The following ATP5F1A variants were observed in gnomAD, a reference collection of about 807,000 sequenced individuals.
ATP5F1A encodes the protein ATP synthase F1 subunit alpha.
Under a neutral mutation model 57.4 loss-of-function variants are expected in ATP5F1A, and 24 were observed. The ratio of observed to expected loss-of-function variants is 0.42; its 90% CI spans 0.30 to 0.59. ATP5F1A has a LOEUF of 0.59. ATP5F1A is among the 20% of genes least tolerant of loss of function. The pLI, the probability that ATP5F1A is intolerant of heterozygous loss-of-function variation, is 0.19. For missense variants in ATP5F1A, 494 were observed against 707.9 expected (o/e 0.70, Z 3.43); for synonymous variants, 251 against 255.5 (o/e 0.98, Z 0.17).
chr18:46,098,492 G>T, upstream of ATP5F1A: 2 of 1,152,434 alleles, frequency 1.7e-6, no homozygotes, highest in Non-Finnish European at 2.3e-6. Flanking sequence ...CCTGGCATTC[G>T]TTATACATTT....
At chr18:46,090,066 T>C (rs1910443698) in intron 3 of ATP5F1A, 70 bp from the exon 4 acceptor site, 2 of 430,544 alleles carry the variant, frequency 4.6e-6, no homozygotes, top group Non-Finnish European at 3.2e-6. Context: ...CAATACTACA[T>C]AAGAAAATAG....
upstream of ATP5F1A, among the ~76,000 whole-genome samples, chr18:46,100,842 G>A (rs974867375): frequency 2.6e-5 from 4 of 152,284 alleles, no homozygotes; most frequent in African/African-American, 9.6e-5. Flanking sequence ...GGAGGCCGAG[G>A]CGGGTGGATC....
upstream of ATP5F1A, among the ~76,000 whole-genome samples, chr18:46,101,574 G>A (rs1418622989): frequency 6.6e-6 from 1 of 150,522 alleles, no homozygotes; most frequent in Non-Finnish European, 1.5e-5. Flanking sequence ...CGACAGGAGT[G>A]AGACTATCTC....
At chr18:46,097,932 G>A in intron 1 of ATP5F1A, 1 of 1,257,282 alleles carries the variant, frequency 8.0e-7, no homozygotes, top group Non-Finnish European at 1.0e-6. Flanking sequence ...CAGGAATCTT[G>A]AGGCCCTGTC....
At chr18:46,098,367 C>G (rs1267923726), upstream of ATP5F1A, 10 of 1,224,510 alleles carry the variant, frequency 8.2e-6, no homozygotes, top group Non-Finnish European at 1.0e-5. Context: ...CGTTCACCAC[C>G]TCTCCCCCCG....
chr18:46,089,726 T>C lies in ATP5F1A; in HGVS notation c.490A>G (p.Ile164Val), dbSNP rs746703083. The change falls in exon 5 of 12, where the codon ATT becomes GTT. Residue 164 changes from isoleucine (I) to valine (V), a missense_variant. By Grantham distance (29) the Ile-to-Val change is conservative. Transcript: ENST00000398752. ...ACTCGCCTACGCGTCTTGGAACCAA[T>C]TGGACCCTGTTAAAAAATAAAAAGA... ...LGNAIDGKGP[I>V]GSKTRRRVGL... is the part of the protein sequence containing the mutation. 2.4e-5 allele frequency: 38 copies of C among 1,613,380 alleles called. 1 individual carries two copies. The highest frequency in any genetic ancestry group is 1.6e-4 in the Middle Eastern group (1 of 6,076).
At chr18:46,098,985 A>G (rs918191303), upstream of ATP5F1A, among the ~76,000 whole-genome samples, 3 of 152,216 alleles carry the variant, frequency 2.0e-5, no homozygotes, top group African/African-American at 7.2e-5. Flanking sequence ...TAGCTAATAC[A>G]TGCGGAGCTT....
upstream of ATP5F1A, among the ~76,000 whole-genome samples, chr18:46,101,996 A>G (rs1180674426): frequency 6.6e-6 from 1 of 151,954 alleles, no homozygotes; most frequent in Non-Finnish European, 1.5e-5. Context: ...AACATGGTGA[A>G]ACCCTGTCTC....
chr18:46,093,694 C>T (rs966773156), intron 2 of ATP5F1A, among the ~76,000 whole-genome samples: 4 of 151,510 alleles, frequency 2.6e-5, no homozygotes, highest in East Asian at 1.9e-4. Context: ...TGTGGTGGTG[C>T]GTGCCTGTAA....
At chr18:46,092,017 C>A (rs1400200388) in intron 2 of ATP5F1A, 166 bp from the exon 3 acceptor site, 2 of 481,282 alleles carry the variant, frequency 4.2e-6, no homozygotes, top group South Asian at 3.7e-5. Flanking sequence ...ACTAAAAATA[C>A]AAAATTAGCT....
At chr18:46,102,043 G>A (rs1415636345), upstream of ATP5F1A, among the ~76,000 whole-genome samples, 4 of 151,660 alleles carry the variant, frequency 2.6e-5, no homozygotes, top group East Asian at 2.0e-4. Context: ...GTGTGGTGGC[G>A]GGCACCTGTA....
At chr18:46,102,769 A>C (rs1341749659), upstream of ATP5F1A, among the ~76,000 whole-genome samples, 1 of 152,018 alleles carries the variant, frequency 6.6e-6, no homozygotes, top group Non-Finnish European at 1.5e-5. Context: ...CAACATAGTG[A>C]GACCCTCTTT....
chr18:46,101,818 G>A (rs1911281775), upstream of ATP5F1A, among the ~76,000 whole-genome samples: 1 of 150,520 alleles, frequency 6.6e-6, no homozygotes, highest in South Asian at 2.1e-4. Context: ...CTTAAACCTG[G>A]GAGATGGAGG....
rs1909761601 is a variant in ATP5F1A at position 46,081,692 on chromosome 18, A to AAAAC, written c.*2589_*2590insGTTT. On this transcript the variant is annotated 3_prime_UTR_variant, in exon 12 of 12. Transcript: ENST00000398752. ...AAAAAACAAAAAAAAAAAAAAAAAAAAAAAACGAAATGTGCAGAACCTTCT... is the reference window on the plus strand; with the variant it reads ...AAAAAACAAAAAAAAAAAAAAAAAAAAAACAAAAACGAAATGTGCAGAACCTTCT... 2 of 144,448 alleles carry AAAAC rather than the reference A, an allele frequency of 1.4e-5. No individual in the cohort carries two copies. Among genetic ancestry groups the AAAAC allele is most frequent in the African/African-American group, 2.5e-5 (1 of 40,574 alleles). The allele number at this position is 144,448 out of a possible 1,614,324, so 8.9% of individuals were successfully genotyped here. A position where few individuals can be genotyped will look rare whatever the true frequency, so the allele number is the denominator to read the frequency against.
intron 8 of ATP5F1A, 124 bp downstream of exon 8, chr18:46,086,884 G>C: frequency 9.2e-7 from 1 of 1,088,812 alleles, no homozygotes; most frequent in Non-Finnish European, 1.3e-6. Context: ...CTATGTATTT[G>C]AAATTTTCCA....
At chr18:46,095,237 G>T in intron 1 of ATP5F1A, 106 bp from the exon 2 acceptor site, 2 of 1,011,908 alleles carry the variant, frequency 2.0e-6, no homozygotes, top group Non-Finnish European at 2.9e-6. Context: ...TGGTGAAAAT[G>T]CTAATTACAT....
upstream of ATP5F1A, among the ~76,000 whole-genome samples, chr18:46,100,569 C>G (rs912056357): frequency 6.6e-6 from 1 of 151,922 alleles, no homozygotes; most frequent in South Asian, 2.1e-4. Flanking sequence ...GTGATCACAC[C>G]GGAACACTCC....
rs953950633 is a variant in ATP5F1A at position 46,098,277 on chromosome 18, G to A, written c.-46C>T. ...CGGTACTTCTGCAGCCGCAGCCTCC[G>A]GACTGACTGGGACAAAATGGCCGAG... On this transcript the variant is annotated 5_prime_UTR_variant, in exon 1 of 12. Coordinates refer to ENST00000398752, the MANE Select transcript of ATP5F1A (RefSeq NM_004046.6). 1.9e-6 allele frequency: 3 copies of A among 1,564,128 alleles called. No homozygotes were observed. Among genetic ancestry groups the A allele is most frequent in the Middle Eastern group, 1.7e-4 (1 of 5,816 alleles).
intron 1 of ATP5F1A, among the ~76,000 whole-genome samples, chr18:46,095,583 C>G (rs1230130149): frequency 1.5e-4 from 23 of 151,914 alleles, no homozygotes; most frequent in Admixed American, 1.3e-3. Flanking sequence ...TCCCAAAGTG[C>G]TAGAACTATA....
Sources: allele counts gnomAD v4.1 joint callset (sites outside exome capture counted in the v4.1 genomes callset), GRCh38; gene constraint gnomAD v4.1.1; transcripts MANE v1.5; gene names NCBI Gene and HGNC (gene_info 2026-07-23, HGNC 2026-07-21).